TMEM181: variants seen among roughly 807,000 people sequenced by gnomAD.
TMEM181 encodes transmembrane protein 181, also known as G protein-coupled receptor 178.
Under a neutral mutation model 71.9 loss-of-function variants are expected in TMEM181, and 39 were observed. The ratio of observed to expected loss-of-function variants is 0.54; its 90% confidence interval spans 0.42 to 0.71. The LOEUF is 0.71. Ranked by LOEUF, TMEM181 falls within the 30% of genes least tolerant of loss-of-function variation. The pLI, the probability that TMEM181 is intolerant of heterozygous loss-of-function variation, is 0.00. For missense variants in TMEM181, 595 were observed against 583.0 expected, an observed-to-expected ratio of 1.02 and a Z score of -0.21; for synonymous variants, 245 against 228.8, an observed-to-expected ratio of 1.07 and a Z score of -0.64.
intron 13 of TMEM181, 162 bp from the exon 14 acceptor site, chr6:158,628,246 G>GTGTGCATC (rs911858178): frequency 1.9e-5 from 14 of 723,514 alleles, no homozygotes; most frequent in Non-Finnish European, 3.0e-5. Context: ...GTGTGTGCAT[G>GTGTGCATC]TGTGCATCTG....
intron 1 of TMEM181, among the ~76,000 whole-genome samples, chr6:158,567,709 G>A (rs1245151575): frequency 1.3e-5 from 2 of 152,216 alleles, no homozygotes; most frequent in Non-Finnish European, 2.9e-5. Flanking sequence ...TGGATGCGCG[G>A]GTTTCAGTGT....
At chr6:158,563,789 A>G (rs192180201) in intron 1 of TMEM181, among the ~76,000 whole-genome samples, 2 of 152,268 alleles carry the variant, frequency 1.3e-5, no homozygotes, top group Admixed American at 6.5e-5. Flanking sequence ...TTAGGCCTTG[A>G]ATGTTCACAT....
At chr6:158,597,273 T>A (rs1017772487) in intron 6 of TMEM181, among the ~76,000 whole-genome samples, 1 of 152,224 alleles carries the variant, frequency 6.6e-6, no homozygotes, top group Non-Finnish European at 1.5e-5. Flanking sequence ...GGTGTCTTAG[T>A]CTATGCTTCT....
chr6:158,568,737 C>G (rs956145450), intron 1 of TMEM181, among the ~76,000 whole-genome samples: 16 of 152,156 alleles, frequency 1.1e-4, no homozygotes, highest in Non-Finnish European at 1.8e-4. Context: ...GTTTCTGTTG[C>G]AGAACAGGAG....
intron 10 of TMEM181, among the ~76,000 whole-genome samples, chr6:158,616,546 C>T (rs886585375): frequency 1.3e-5 from 2 of 152,180 alleles, no homozygotes; most frequent in Non-Finnish European, 2.9e-5. Flanking sequence ...TGAGAGAGGG[C>T]ATCCCTGTCT....
At chr6:158,609,690 A>T (rs780531938) in intron 10 of TMEM181, 3 of 247,398 alleles carry the variant, frequency 1.2e-5, no homozygotes, top group Non-Finnish European at 2.6e-5. Flanking sequence ...ACTCCCAATG[A>T]CTGTGCCCTC....
At chr6:158,610,117 A>G in intron 10 of TMEM181, 1 of 221,444 alleles carries the variant, frequency 4.5e-6, no homozygotes, top group Non-Finnish European at 9.6e-6. Context: ...AAGCTTCTCT[A>G]GAGACGCAGC....
intron 1 of TMEM181, among the ~76,000 whole-genome samples, chr6:158,552,079 G>A (rs1194385685): frequency 2.0e-5 from 3 of 152,106 alleles, no homozygotes; most frequent in South Asian, 2.1e-4. Context: ...AGTGGTAATC[G>A]AAAGATTTTA....
intron 1 of TMEM181, among the ~76,000 whole-genome samples, chr6:158,571,578 A>C (rs10945552): frequency 2.5e-5 from 3 of 119,482 alleles, no homozygotes; most frequent in Admixed American, 7.8e-5. Flanking sequence ...GATTATAGGC[A>C]TGAGCCACCG....
chr6:158,539,921 T>C (rs1432774468), intron 1 of TMEM181, among the ~76,000 whole-genome samples: 3 of 152,196 alleles, frequency 2.0e-5, no homozygotes, highest in Non-Finnish European at 4.4e-5. Flanking sequence ...CGGATTTTCA[T>C]AAGACTCAGA....
intron 5 of TMEM181, among the ~76,000 whole-genome samples, chr6:158,586,277 G>T (rs1325984950): frequency 6.6e-6 from 1 of 152,168 alleles, no homozygotes; most frequent in Non-Finnish European, 1.5e-5. Context: ...GGCACAACAG[G>T]TTACTGGCAG....
intron 1 of TMEM181, among the ~76,000 whole-genome samples, chr6:158,546,157 T>A (rs911872103): frequency 2.0e-5 from 3 of 152,174 alleles, no homozygotes; most frequent in Admixed American, 6.5e-5. Flanking sequence ...TCAAGCATGC[T>A]CCTGCCTCGT....
intron 10 of TMEM181, among the ~76,000 whole-genome samples, chr6:158,617,903 T>A (rs1426347442): frequency 6.6e-6 from 1 of 152,218 alleles, no homozygotes; most frequent in African/African-American, 2.4e-5. Context: ...TCCAACTATG[T>A]GGTCAATTTT....
At chr6:158,555,653 C>T (rs1451780667), upstream of TMEM181, among the ~76,000 whole-genome samples, 5 of 152,138 alleles carry the variant, frequency 3.3e-5, no homozygotes, top group Non-Finnish European at 5.9e-5. Context: ...TAAAAATGTG[C>T]GTGAAAAGAA....
chr6:158,617,651 G>A (rs1043114427), intron 10 of TMEM181, among the ~76,000 whole-genome samples: 7 of 152,164 alleles, frequency 4.6e-5, no homozygotes, highest in African/African-American at 1.4e-4. Context: ...TTCTTTAAAT[G>A]TGTCCCAGAG....
At chr6:158,578,292 AT>A (rs1783276261) in intron 2 of TMEM181, among the ~76,000 whole-genome samples, 1 of 152,186 alleles carries the variant, frequency 6.6e-6, no homozygotes, top group Non-Finnish European at 1.5e-5. Flanking sequence ...AAGCCATATG[AT>A]TTCAGTAAAG....
intron 6 of TMEM181, among the ~76,000 whole-genome samples, chr6:158,593,696 T>C (rs1238669501): frequency 6.6e-6 from 1 of 152,266 alleles, no homozygotes; most frequent in Non-Finnish European, 1.5e-5. Context: ...GTTGAAGACA[T>C]TGTGTTGTGA....
Position 158,544,176 on chromosome 6 carries a change from G to GGAGAGAGA in TMEM181, c.131+7318_131+7319insAGAGAGAG, listed in dbSNP as rs142404272. ...GCCTGAGGTTTCTCAGGTGCAAATT[G>GGAGAGAGA]GAGAGAGTGTGTGTGTGTGTGTGTG... On this transcript the variant is annotated intron_variant, in intron 1 of 16. Coordinates refer to the TMEM181 transcript ENST00000367090. Among the ~76,000 whole-genome samples, 182 of 121,736 alleles carry GGAGAGAGA rather than the reference G, an allele frequency of 1.5e-3. 8 individuals are homozygous for GGAGAGAGA. The highest frequency in any genetic ancestry group is 2.7e-3 in the South Asian group (9 of 3,306). The allele number at this position is 121,736 out of a possible 152,430, so 79.9% of individuals were successfully genotyped here.
intron 5 of TMEM181, among the ~76,000 whole-genome samples, chr6:158,588,316 G>A (rs1783899592): frequency 6.6e-6 from 1 of 152,322 alleles, no homozygotes; most frequent in Non-Finnish European, 1.5e-5. Context: ...TGGTGACCTT[G>A]GTGCTGCCTT....
Sources: gnomAD v4.1 joint callset for allele counts (sites outside exome capture counted in the v4.1 genomes callset) on GRCh38, gnomAD v4.1.1 for gene constraint, MANE v1.5 for transcripts, NCBI Gene and HGNC (gene_info 2026-07-23, HGNC 2026-07-21) for gene names.